The following NBAS variants were observed in gnomAD, a reference collection of about 807,000 sequenced individuals.
NBAS encodes the protein NBAS subunit of NRZ tethering complex, also known as NAG/BC035112 fusion.
NBAS carries 219 observed loss-of-function variants against 302.5 expected under a neutral mutation model. The observed-to-expected ratio is 0.72, with a 90% CI of 0.65 to 0.81. The LOEUF is 0.81. Among genes scored for constraint, NBAS ranks in the 30% least tolerant of loss-of-function variants. NBAS has a pLI of 0.00. For synonymous variants in NBAS, 1,118 were observed against 1,021.6 expected, an observed-to-expected ratio of 1.09 and a Z score of -1.80; for missense variants, 2,932 against 2,841.6, an observed-to-expected ratio of 1.03 and a Z score of -0.72.
chr2:15,141,478 C>T, the NBAS span, among the ~76,000 whole-genome samples: 1 of 152,104 alleles, frequency 6.6e-6, no homozygotes, highest in Non-Finnish European at 1.5e-5. Context: ...TGGGGAGAGC[C>T]CTTTTCTCTT....
the NBAS span, among the ~76,000 whole-genome samples, chr2:14,964,446 A>G: frequency 3.3e-5 from 5 of 152,170 alleles, no homozygotes; most frequent in African/African-American, 9.6e-5. Context: ...ACAACTATTC[A>G]AAACAAAACA....
intron 35 of NBAS, among the ~76,000 whole-genome samples, chr2:15,344,625 C>G (rs755469103): frequency 6.6e-6 from 1 of 152,156 alleles, no homozygotes; most frequent in Non-Finnish European, 1.5e-5. Context: ...CTATTCCAAA[C>G]AACTGAAAAG....
chr2:15,262,932 G>A (rs1558485135), intron 44 of NBAS, among the ~76,000 whole-genome samples: 2 of 152,116 alleles, frequency 1.3e-5, no homozygotes, highest in Admixed American at 1.3e-4. Flanking sequence ...TTTCCTCAAG[G>A]CACATTCAGG....
At chr2:15,022,396 G>A in the NBAS span, among the ~76,000 whole-genome samples, 1,891 of 152,250 alleles carry the variant, frequency 0.012, 41 homozygotes, top group African/African-American at 0.044. Flanking sequence ...AAATGTGGCA[G>A]CAATCTTACT....
At chr2:15,461,899 C>A in intron 19 of NBAS, 108 bp from the exon 20 acceptor site, 1 of 676,756 alleles carries the variant, frequency 1.5e-6, no homozygotes, top group Non-Finnish European at 2.6e-6. Flanking sequence ...TAAATAAGGC[C>A]TGAATTAATT....
At chr2:15,228,373 C>G (rs1291766918) in intron 47 of NBAS, among the ~76,000 whole-genome samples, 4 of 151,980 alleles carry the variant, frequency 2.6e-5, no homozygotes, top group Non-Finnish European at 4.4e-5. Context: ...AAAAGTGGAC[C>G]CTTATACACT....
the NBAS span, among the ~76,000 whole-genome samples, chr2:14,824,545 A>G: frequency 0.012 from 1,799 of 152,284 alleles, 44 homozygotes; most frequent in African/African-American, 0.042. Flanking sequence ...TGTGGTACTT[A>G]GACAAGCAAC....
intron 35 of NBAS, among the ~76,000 whole-genome samples, chr2:15,343,275 G>A (rs1310925717): frequency 6.6e-6 from 1 of 152,108 alleles, no homozygotes; most frequent in Non-Finnish European, 1.5e-5. Flanking sequence ...AACGTCATAT[G>A]AAAAACTATC....
intron 6 of NBAS, among the ~76,000 whole-genome samples, chr2:15,550,383 G>A (rs1480222347): frequency 6.6e-6 from 1 of 152,080 alleles, no homozygotes; most frequent in Admixed American, 6.5e-5. Flanking sequence ...TACAGTGCCA[G>A]GCACACAGTA....
the NBAS span, among the ~76,000 whole-genome samples, chr2:14,817,088 T>G: frequency 6.6e-6 from 1 of 152,214 alleles, no homozygotes; most frequent in African/African-American, 2.4e-5. Context: ...TTTATCCTTT[T>G]CATTAAGCCA....
chr2:15,007,485 GT>G, the NBAS span, among the ~76,000 whole-genome samples: 4 of 152,096 alleles, frequency 2.6e-5, no homozygotes, highest in African/African-American at 4.8e-5. Flanking sequence ...AGGAAGCGAA[GT>G]TTTTTTTATT....
rs200816979 is a variant in NBAS at position 15,441,344 on chromosome 2, C to A, written c.2340-13550G>T. ...TCTACAAACCAGAAGAGAGTGGGGG[C>A]CAATATTCAACATTCTTAAAGAAAA... On this transcript the variant is annotated intron_variant, in intron 21 of 51. Transcript: ENST00000281513. 3.8e-3 allele frequency among the ~76,000 whole-genome samples: 582 copies of A among 152,098 alleles called. 14 individuals are homozygous for A. The East Asian group carries it at 0.053, about 14-fold the overall frequency.
chr2:15,251,835 C>T lies in NBAS; in HGVS notation c.5725-13149G>A, dbSNP rs117217623. On this transcript the variant is annotated intron_variant, in intron 44 of 51. Coordinates refer to ENST00000281513, the MANE Select transcript of NBAS (RefSeq NM_015909.4). Reference sequence around the variant, plus strand: ...TCTTGTGCCGACTTCCTGTCTCATCCTATGACTTAGATTGCCTTAACCTCC... The same window carrying T: ...TCTTGTGCCGACTTCCTGTCTCATCTTATGACTTAGATTGCCTTAACCTCC... Among the ~76,000 whole-genome samples the T allele has an allele frequency of 1.6e-3, 237 of 152,228 alleles. 8 individuals are homozygous for T. The East Asian group carries it at 0.042, about 27-fold the overall frequency.
the NBAS span, among the ~76,000 whole-genome samples, chr2:14,973,515 A>G: frequency 5.3e-5 from 8 of 152,348 alleles, no homozygotes; most frequent in African/African-American, 1.4e-4. Flanking sequence ...AGCCAACAGA[A>G]AAACAGAGAG....
intron 31 of NBAS, among the ~76,000 whole-genome samples, chr2:15,367,100 T>C (rs928502693): frequency 6.6e-6 from 1 of 152,146 alleles, no homozygotes; most frequent in Non-Finnish European, 1.5e-5. Context: ...GCTCTAAATA[T>C]ACATTTGCTA....
the NBAS span, among the ~76,000 whole-genome samples, chr2:14,934,544 A>G: frequency 6.6e-6 from 1 of 152,180 alleles, no homozygotes; most frequent in Non-Finnish European, 1.5e-5. Flanking sequence ...TGTGTTGTAC[A>G]ACAGAGAATT....
At chr2:15,096,632 C>T in the NBAS span, among the ~76,000 whole-genome samples, 2 of 152,152 alleles carry the variant, frequency 1.3e-5, no homozygotes, top group African/African-American at 4.8e-5. Flanking sequence ...GTTCTCCTGC[C>T]ACCCACAGAC....
intron 42 of NBAS, 55 bp downstream of exon 42, chr2:15,287,018 A>C: frequency 2.1e-6 from 3 of 1,396,710 alleles, no homozygotes; most frequent in Non-Finnish European, 3.1e-6. Flanking sequence ...AGTCTTCAAA[A>C]ATAGACTCTA....
At chr2:14,941,305 C>A in the NBAS span, among the ~76,000 whole-genome samples, 1 of 152,146 alleles carries the variant, frequency 6.6e-6, no homozygotes, top group African/African-American at 2.4e-5. Flanking sequence ...GAAAGACAAG[C>A]CTCTTTTCCA....
Sources: gnomAD v4.1 joint callset for allele counts (sites outside exome capture counted in the v4.1 genomes callset) on GRCh38, gnomAD v4.1.1 for gene constraint, MANE v1.5 for transcripts, NCBI Gene and HGNC (gene_info 2026-07-23, HGNC 2026-07-21) for gene names.